Variants in MOBP observed in about 807,000 individuals in gnomAD.
The protein encoded by MOBP is myelin associated oligodendrocyte basic protein, also known as myelin-associated oligodendrocyte basic protein.
Under a neutral mutation model 15.0 loss-of-function variants are expected in MOBP, and 5 were observed. The observed-to-expected ratio is 0.33, with a 90% CI of 0.17 to 0.70. MOBP has a LOEUF of 0.70. Among genes scored for constraint, MOBP ranks in the 30% least tolerant of loss-of-function variants. MOBP has a pLI of 0.67. For missense variants in MOBP, 188 were observed against 257.8 expected (o/e 0.73, Z 1.85); for synonymous variants, 88 against 99.0 (o/e 0.89, Z 0.66).
chr3:39,526,013 T>C (rs944184109), downstream of MOBP: 3 of 152,308 alleles, frequency 2.0e-5, no homozygotes, highest in African/African-American at 7.2e-5. Context: ...GCCATTACAT[T>C]CCTGGGAATA....
At chr3:39,470,468 A>G (rs909421827) in intron 1 of MOBP, among the ~76,000 whole-genome samples, 2 of 152,224 alleles carry the variant, frequency 1.3e-5, no homozygotes. Flanking sequence ...CTATGATTAC[A>G]CACAGCTAGT....
chr3:39,485,156 T>G (rs2125636172), intron 2 of MOBP, among the ~76,000 whole-genome samples: 1 of 152,348 alleles, frequency 6.6e-6, no homozygotes, highest in African/African-American at 2.4e-5. Context: ...TCACCAACAA[T>G]CTACTGTTCA....
At chr3:39,498,069 G>A (rs918143040) in intron 2 of MOBP, among the ~76,000 whole-genome samples, 3 of 152,214 alleles carry the variant, frequency 2.0e-5, no homozygotes, top group African/African-American at 4.8e-5. Flanking sequence ...CAAATAAACC[G>A]TTAGGTGGAA....
intron 1 of MOBP, among the ~76,000 whole-genome samples, 160 bp from the exon 2 acceptor site, chr3:39,479,880 C>G (rs929758328): frequency 2.0e-5 from 3 of 150,736 alleles, no homozygotes; most frequent in African/African-American, 7.3e-5. Flanking sequence ...CTGTATCTTT[C>G]CCCCATCCCT....
chr3:39,495,802 A>G (rs1575304344), intron 2 of MOBP, among the ~76,000 whole-genome samples: 3 of 151,660 alleles, frequency 2.0e-5, no homozygotes, highest in Admixed American at 2.0e-4. Flanking sequence ...TTATAAGTGC[A>G]TACAGAAATG....
At chr3:39,471,431 A>T (rs1160575174) in intron 1 of MOBP, among the ~76,000 whole-genome samples, 2 of 152,132 alleles carry the variant, frequency 1.3e-5, no homozygotes, top group Non-Finnish European at 2.9e-5. Context: ...ACCCAGCAAA[A>T]GAAAAGTCTT....
At chr3:39,474,173 T>C (rs542572196) in intron 1 of MOBP, among the ~76,000 whole-genome samples, 1 of 152,228 alleles carries the variant, frequency 6.6e-6, no homozygotes, top group East Asian at 1.9e-4. Context: ...TCACTGATAC[T>C]TGATGGTTTA....
intron 4 of MOBP, among the ~76,000 whole-genome samples, chr3:39,508,042 T>C (rs184922998): frequency 2.0e-5 from 3 of 152,344 alleles, no homozygotes; most frequent in Admixed American, 2.0e-4. Context: ...TGTTTGTTTT[T>C]GGGCAGCTAA....
At chr3:39,483,930 C>T (rs1240717324) in intron 2 of MOBP, among the ~76,000 whole-genome samples, 2 of 152,158 alleles carry the variant, frequency 1.3e-5, no homozygotes, top group South Asian at 2.1e-4. Flanking sequence ...GACAGAAGCA[C>T]CTGGGGAATT....
intron 3 of MOBP, among the ~76,000 whole-genome samples, chr3:39,522,407 A>G (rs2043280260): frequency 3.3e-5 from 5 of 152,240 alleles, no homozygotes; most frequent in African/African-American, 9.6e-5. Context: ...CATAAGAGCA[A>G]GAACCATGGC....
At chr3:39,510,002 C>T (rs1707987) in intron 4 of MOBP, among the ~76,000 whole-genome samples, 10,185 of 151,940 alleles carry the variant, frequency 0.067, 477 homozygotes, top group East Asian at 0.19. Flanking sequence ...AATGGTGTGA[C>T]GTATGAATTG....
At chr3:39,492,895 G>T (rs1191893943) in intron 2 of MOBP, among the ~76,000 whole-genome samples, 1 of 152,168 alleles carries the variant, frequency 6.6e-6, no homozygotes, top group Non-Finnish European at 1.5e-5. Flanking sequence ...CCGAGTGAAA[G>T]AATTGAAGAC....
At chr3:39,494,299 G>A (rs1367666611) in intron 2 of MOBP, among the ~76,000 whole-genome samples, 2 of 152,118 alleles carry the variant, frequency 1.3e-5, no homozygotes, top group African/African-American at 4.8e-5. Context: ...TAAAACATAT[G>A]GAACATACTA....
At chr3:39,499,045 G>A (rs948093295) in intron 2 of MOBP, among the ~76,000 whole-genome samples, 21 of 152,160 alleles carry the variant, frequency 1.4e-4, no homozygotes, top group African/African-American at 5.1e-4. Context: ...TGTTATTTGT[G>A]ACGGGTGCCT....
chr3:39,483,812 A>G (rs2042660437), intron 2 of MOBP, among the ~76,000 whole-genome samples: 1 of 152,242 alleles, frequency 6.6e-6, no homozygotes, highest in Non-Finnish European at 1.5e-5. Flanking sequence ...CTTTGAAATT[A>G]TAATGCTTTC....
intron 1 of MOBP, 79 bp downstream of exon 1, chr3:39,467,819 G>T (rs2042365030): frequency 6.6e-6 from 1 of 151,976 alleles, no homozygotes; most frequent in Non-Finnish European, 1.5e-5. Context: ...TTTTTGTATG[G>T]GCCATTTCAT....
At position 39,496,199 on chromosome 3, in the gene MOBP, C is replaced by CTT. The variant is rs539988699; in HGVS notation, c.-4-5857_-4-5856dup. On this transcript the variant is annotated intron_variant, in intron 2 of 3. Coordinates refer to ENST00000684792, the MANE Select transcript of MOBP (RefSeq NM_001393704.1). ...GTATTATTTTCTTTTTCTTTTTTTT[C>CTT]TTTTTTTTTTTGTTTTTTGAGACGG... 2.4e-3 allele frequency among the ~76,000 whole-genome samples: 351 copies of CTT among 144,374 alleles called. 2 individuals carry two copies. The highest frequency in any genetic ancestry group is 8.3e-3 in the African/African-American group (327 of 39,392). 94.7% of individuals were successfully genotyped at this position (144,374 alleles called of 152,430 possible).
chr3:39,494,240 T>C lies in MOBP; in HGVS notation c.-4-7826T>C, dbSNP rs181047767. On this transcript the variant is annotated intron_variant, in intron 2 of 3. Transcript: ENST00000684792. ...AATTTTCTCATCTGTAAAATGGGGATAGTAGGAACTATCTGGAGGGTTGTT... is the reference window on the plus strand; with the variant it reads ...AATTTTCTCATCTGTAAAATGGGGACAGTAGGAACTATCTGGAGGGTTGTT... 3.1e-3 allele frequency among the ~76,000 whole-genome samples: 473 copies of C among 152,328 alleles called. 1 individual carries two copies. Among genetic ancestry groups the C allele is most frequent in the Non-Finnish European group, 5.3e-3 (360 of 68,028 alleles).
At chr3:39,517,368 G>T (rs1008575780), downstream of MOBP, among the ~76,000 whole-genome samples, 11 of 152,066 alleles carry the variant, frequency 7.2e-5, no homozygotes, top group Non-Finnish European at 1.5e-4. Flanking sequence ...ACCATGATGC[G>T]GCAGCCTAGA....
Sources: gnomAD v4.1 joint callset for allele counts (sites outside exome capture counted in the v4.1 genomes callset) on GRCh38, gnomAD v4.1.1 for gene constraint, MANE v1.5 for transcripts, NCBI Gene and HGNC (gene_info 2026-07-23, HGNC 2026-07-21) for gene names.